RBFOX1: variants seen among roughly 807,000 people sequenced by gnomAD.
RBFOX1 encodes RNA binding fox-1 homolog 1.
Under a neutral mutation model 57.7 loss-of-function variants are expected in RBFOX1, and 8 were observed. The observed-to-expected ratio is 0.14, with a 90% CI of 0.08 to 0.25. The LOEUF (loss-of-function observed/expected upper bound fraction) is 0.25. Ranked by LOEUF, RBFOX1 falls within the 10% of genes least tolerant of loss-of-function variation. The pLI, the probability that RBFOX1 is intolerant of heterozygous loss-of-function variation, is 1.00. For synonymous variants in RBFOX1, 326 were observed against 222.4 expected, an observed-to-expected ratio of 1.47 and a Z score of -4.15; for missense variants, 611 against 548.5, an observed-to-expected ratio of 1.11 and a Z score of -1.14.
At chr16:6,784,878 G>A (rs1282012324) in intron 3 of RBFOX1, among the ~76,000 whole-genome samples, 1 of 152,050 alleles carries the variant, frequency 6.6e-6, no homozygotes, top group Non-Finnish European at 1.5e-5. Context: ...AGAGCTAAGT[G>A]AAGGTCGGCT....
intron 1 of RBFOX1, among the ~76,000 whole-genome samples, chr16:5,308,413 A>G (rs1038558615): frequency 3.9e-5 from 6 of 152,050 alleles, no homozygotes; most frequent in Non-Finnish European, 5.9e-5. Flanking sequence ...CTTAGCTTCA[A>G]CACCCCAGTG....
At chr16:6,461,370 G>C (rs1303680327) in intron 2 of RBFOX1, among the ~76,000 whole-genome samples, 2 of 152,030 alleles carry the variant, frequency 1.3e-5, no homozygotes, top group Admixed American at 6.6e-5. Context: ...TCCAAATAAG[G>C]GCACATTCTG....
chr16:6,148,334 G>C (rs1049700820), intron 1 of RBFOX1, among the ~76,000 whole-genome samples: 3 of 152,178 alleles, frequency 2.0e-5, no homozygotes, highest in African/African-American at 7.2e-5. Flanking sequence ...CTCAAAATAA[G>C]CAAACAAACA....
intron 1 of RBFOX1, chr16:5,260,712 C>G (rs555115251): frequency 4.6e-5 from 7 of 152,272 alleles, no homozygotes; most frequent in Non-Finnish European, 1.0e-4. Context: ...CGACATTGGC[C>G]TTTGCAGTCT....
intron 3 of RBFOX1, among the ~76,000 whole-genome samples, chr16:5,810,331 TTAAA>T (rs1395951942): frequency 6.6e-6 from 1 of 151,656 alleles, no homozygotes; most frequent in Non-Finnish European, 1.5e-5. Context: ...ATAATAATAA[TTAAA>T]AAAAGATATA....
intron 4 of RBFOX1, among the ~76,000 whole-genome samples, chr16:7,179,804 G>T (rs140282162): frequency 2.0e-5 from 3 of 151,708 alleles, no homozygotes; most frequent in Non-Finnish European, 4.4e-5. Flanking sequence ...GCATGATCTC[G>T]GCTCACTGCA....
At chr16:6,797,952 A>G (rs1567290365) in intron 3 of RBFOX1, among the ~76,000 whole-genome samples, 1 of 152,086 alleles carries the variant, frequency 6.6e-6, no homozygotes, top group Non-Finnish European at 1.5e-5. Flanking sequence ...GGAGATGATG[A>G]TGATGGTGAT....
intron 1 of RBFOX1, among the ~76,000 whole-genome samples, chr16:6,251,241 C>G (rs1297832421): frequency 2.6e-5 from 4 of 152,144 alleles, no homozygotes; most frequent in Admixed American, 1.3e-4. Context: ...ACTTAACTCA[C>G]AAAACAAACC....
At chr16:7,415,735 C>A (rs550877012) in intron 4 of RBFOX1, among the ~76,000 whole-genome samples, 3 of 152,254 alleles carry the variant, frequency 2.0e-5, no homozygotes, top group African/African-American at 7.2e-5. Flanking sequence ...CTTCTCTACC[C>A]AGCAATGGTT....
intron 1 of RBFOX1, among the ~76,000 whole-genome samples, chr16:6,187,608 T>A (rs2097113333): frequency 6.6e-6 from 1 of 152,044 alleles, no homozygotes; most frequent in Non-Finnish European, 1.5e-5. Flanking sequence ...AGTTAGGAGA[T>A]TTTCATATTA....
chr16:7,595,269 G>C (rs1470463689), intron 7 of RBFOX1, among the ~76,000 whole-genome samples: 1 of 151,894 alleles, frequency 6.6e-6, no homozygotes. Context: ...CTTTTCGTTA[G>C]ATTTATTTTC....
rs115199743 is a variant in RBFOX1, at chr16:6,072,890, G to T, written c.-127+52898G>T. ...AAGATAGGTCTGTTCCTATGATTGT[G>T]GGGATGGTTTCACAGGCCTATGCTT... is the stretch of plus-strand genomic sequence containing the variant. On this transcript the variant is annotated intron_variant, in intron 1 of 15. Coordinates refer to ENST00000550418, the MANE Select transcript of RBFOX1 (RefSeq NM_018723.4). Among the ~76,000 whole-genome samples, 1,494 of 152,228 alleles carry T rather than the reference G, an allele frequency of 9.8e-3. 23 individuals carry two copies. Among genetic ancestry groups the T allele is most frequent in the African/African-American group, 0.034 (1,414 of 41,538 alleles).
chr16:5,843,054 C>T (rs541182045), intron 3 of RBFOX1, among the ~76,000 whole-genome samples: 1 of 152,240 alleles, frequency 6.6e-6, no homozygotes, highest in Admixed American at 6.5e-5. Context: ...GTCTCGAACT[C>T]CTGACCTCGT....
chr16:6,634,039 A>T (rs1458525771), intron 2 of RBFOX1, among the ~76,000 whole-genome samples: 1 of 151,944 alleles, frequency 6.6e-6, no homozygotes, highest in Non-Finnish European at 1.5e-5. Flanking sequence ...CTTTGTGTAA[A>T]CCGATGCATT....
intron 3 of RBFOX1, among the ~76,000 whole-genome samples, chr16:6,711,394 C>G (rs1457951278): frequency 2.0e-5 from 3 of 152,146 alleles, no homozygotes; most frequent in Non-Finnish European, 2.9e-5. Context: ...TCCTATCTCT[C>G]CTGATATGGT....
intron 4 of RBFOX1, among the ~76,000 whole-genome samples, chr16:7,107,525 T>C (rs1010884456): frequency 6.6e-6 from 1 of 152,114 alleles, no homozygotes; most frequent in Non-Finnish European, 1.5e-5. Flanking sequence ...TACATTTTGA[T>C]AACTTGACTT....
At chr16:6,351,850 C>T (rs191119763) in intron 2 of RBFOX1, among the ~76,000 whole-genome samples, 15 of 152,182 alleles carry the variant, frequency 9.9e-5, no homozygotes, top group Admixed American at 2.0e-4. Context: ...GTGCTTTGCA[C>T]GTCTGACCTC....
rs542967276 is a variant in RBFOX1, at chr16:5,737,628, G to A, written c.319-129675G>A. Among the ~76,000 whole-genome samples, 4 of 144,418 alleles carry A rather than the reference G, an allele frequency of 2.8e-5. No homozygotes were observed. The South Asian group carries it at 6.5e-4, about 23-fold the overall frequency. The allele number at this position is 144,418 out of a possible 152,430, so 94.7% of individuals were successfully genotyped here. A position where few individuals can be genotyped will look rare whatever the true frequency, so the allele number is the denominator to read the frequency against. ...CTGCTTTTTGTATGTCAGCAAATCT[G>A]TACTTCTCACTAAGTTTAGGGTGCT... is the stretch of plus-strand genomic sequence containing the variant. On this transcript the variant is annotated intron_variant, in intron 3 of 19. Transcript: ENST00000641259.
chr16:5,755,446 C>T (rs936847453), intron 3 of RBFOX1, among the ~76,000 whole-genome samples: 2 of 152,172 alleles, frequency 1.3e-5, no homozygotes, highest in Non-Finnish European at 2.9e-5. Context: ...ACTGATCTTC[C>T]TGAATCAATT....
Sources: gnomAD v4.1 joint callset for allele counts (sites outside exome capture counted in the v4.1 genomes callset) on GRCh38, gnomAD v4.1.1 for gene constraint, MANE v1.5 for transcripts, NCBI Gene and HGNC (gene_info 2026-07-23, HGNC 2026-07-21) for gene names.